SP1: variants seen among roughly 807,000 people sequenced by gnomAD.
SP1 encodes Sp1 transcription factor.
A neutral mutation model predicts 66.3 loss-of-function variants in SP1; 6 were observed. That is an observed-to-expected ratio of 0.09 (90% CI 0.05 to 0.18). The LOEUF (loss-of-function observed/expected upper bound fraction) is 0.18, where lower values mean the gene tolerates loss of function less well. Among genes scored for constraint, SP1 ranks in the 10% least tolerant of loss-of-function variants. The pLI is 1.00. For missense variants in SP1, 848 were observed against 964.5 expected, an observed-to-expected ratio of 0.88 and a Z score of 1.60; for synonymous variants, 417 against 360.8, an observed-to-expected ratio of 1.16 and a Z score of -1.77.
rs984996799 is a variant in SP1, at chr12:53,413,513, C to G, written c.*2273C>G. On this transcript the variant is annotated 3_prime_UTR_variant, in exon 6 of 6. Transcript: ENST00000327443. ...AGTTCACTCCATTTGGTCCTTTCTC[C>G]ACAGATGTAATTATGTTTTCAACTC... The G allele has an allele frequency of 6.6e-6, 1 of 152,558 alleles. No individual in the cohort carries two copies. Among genetic ancestry groups the G allele is most frequent in the Non-Finnish European group, 1.5e-5 (1 of 68,046 alleles). The allele number at this position is 152,558 out of a possible 1,614,324, so 9.5% of individuals were successfully genotyped here.
rs144163103 is a variant in SP1, at chr12:53,382,889, A to T, written c.942A>T (p.Gln314His). 650 of 1,614,088 alleles carry T rather than the reference A, an allele frequency of 4.0e-4. No individual in the cohort carries two copies. The highest frequency in any genetic ancestry group is 4.6e-4 in the Non-Finnish European group (545 of 1,180,040). The change falls in exon 3 of 6, where the codon CAA becomes CAT. Residue 314 changes from glutamine to histidine, a missense_variant. By Grantham distance (24) the Gln-to-His change is conservative. Around this residue, in one of 7 missense-constraint regions of SP1, gnomAD observed 606 missense variants for 589.9 expected, o/e 1.03. Coordinates refer to ENST00000327443, the MANE Select transcript of SP1 (RefSeq NM_138473.3). The stretch of plus-strand genomic sequence containing the variant: ...GTTCTGCCAGCTTGGTATCATCACA[A>T]GCCAGTTCCAGCTCCTTTTTCACCA... ...TISSASLVSSQASSSSFFTNA... is the reference protein window; with the variant it reads ...TISSASLVSSHASSSSFFTNA...
intron 3 of SP1, among the ~76,000 whole-genome samples, chr12:53,391,836 T>G (rs1565811196): frequency 6.6e-6 from 1 of 151,650 alleles, no homozygotes; most frequent in Non-Finnish European, 1.5e-5. Context: ...CACTTACAAG[T>G]GAGAACATGC....
At position 53,413,280 on chromosome 12, in the gene SP1, T is replaced by A. The variant is rs757383536; in HGVS notation, c.*2040T>A. On this transcript the variant is annotated 3_prime_UTR_variant, in exon 6 of 6. Transcript: ENST00000327443. ...TGGAGGATATTCTACTGTACTTTTTTAAAAAGAAACTATTTTTGTGTTTGA... is the reference window on the plus strand; with the variant it reads ...TGGAGGATATTCTACTGTACTTTTTAAAAAAGAAACTATTTTTGTGTTTGA... 13 of 152,292 alleles carry A rather than the reference T, an allele frequency of 8.5e-5. No individual in the cohort carries two copies. The highest frequency in any genetic ancestry group is 1.6e-4 in the Non-Finnish European group (11 of 68,038). The allele number at this position is 152,292 out of a possible 1,614,324, so 9.4% of individuals were successfully genotyped here.
At chr12:53,410,178 A>G (rs1486103503) in intron 5 of SP1, among the ~76,000 whole-genome samples, 3 of 147,106 alleles carry the variant, frequency 2.0e-5, no homozygotes, top group Non-Finnish European at 4.5e-5. Context: ...GCTGGTGCAC[A>G]CCTGTAATCC....
Position 53,399,944 on chromosome 12 carries a change from TAGTAGAG to T in SP1, c.1676-6639_1676-6633del, listed in dbSNP as rs1938572625. 2.0e-5 allele frequency among the ~76,000 whole-genome samples: 3 copies of T among 152,182 alleles called. No homozygotes were observed. In the South Asian group the frequency reaches 6.2e-4, roughly 32 times the overall value. On this transcript the variant is annotated intron_variant, in intron 3 of 5. Transcript: ENST00000327443. ...CCGCGCCTGGCAATTTTTGTATTTT[TAGTAGAG>T]ACGGGAATTTCATCATGTTGGCCAG...
intron 3 of SP1, among the ~76,000 whole-genome samples, chr12:53,389,263 C>G (rs1014832989): frequency 1.5e-5 from 2 of 134,660 alleles, no homozygotes; most frequent in Non-Finnish European, 3.1e-5. Context: ...TTCTTGTTGC[C>G]CAGGGTGGAG....
chr12:53,409,370 G>A lies in SP1; in HGVS notation c.1853G>A (p.Gly618Glu), dbSNP rs778447101. 1.2e-6 allele frequency: 2 copies of A among 1,613,590 alleles called. No homozygotes were observed. The highest frequency in any genetic ancestry group is 3.3e-5 in the Admixed American group (2 of 59,940). Residue 618 changes from glycine (G) to glutamate (E), a missense_variant, in exon 5 of 6, where the codon GGG becomes GAG. Transcript: ENST00000327443. ...TGTGTCCTCACTTTCAGGGGCTCGG[G>A]GGATCCTGGCAAAAAGAAACAGCAT... ...YCKDSEGRGSGDPGKKKQHIC... is the reference protein window; with the variant it reads ...YCKDSEGRGSEDPGKKKQHIC...
In SP1 at chr12:53,406,706, C is replaced by G; in HGVS notation, c.1797C>G (p.Thr599=). Residue 599 remains threonine (T), a synonymous_variant, in exon 4 of 6, where the codon ACC becomes ACG. Coordinates refer to ENST00000327443, the MANE Select transcript of SP1 (RefSeq NM_138473.3). ...PDAQPQAGRR[T]RREACTCPYC... ...CCCAACCCCAAGCCGGTCGGAGGAC[C>G]CGGCGGGAAGCATGCACCTGCCCCT... The G allele has an allele frequency of 1.2e-6, 2 of 1,614,060 alleles. No individual in the cohort carries two copies. The highest frequency in any genetic ancestry group is 1.7e-6 in the Non-Finnish European group (2 of 1,180,020).
intron 5 of SP1, among the ~76,000 whole-genome samples, chr12:53,409,866 C>T (rs879660159): frequency 2.6e-5 from 4 of 151,888 alleles, no homozygotes; most frequent in Non-Finnish European, 4.4e-5. Context: ...AAAAATTAGC[C>T]GGGCATGGTG....
At chr12:53,402,168 A>G (rs79256977) in intron 3 of SP1, among the ~76,000 whole-genome samples, 8,923 of 150,958 alleles carry the variant, frequency 0.059, 352 homozygotes, top group Middle Eastern at 0.14. Context: ...TACCAATATC[A>G]TGAAAATCTC....
chr12:53,407,476 C>T (rs1211988263), intron 4 of SP1, among the ~76,000 whole-genome samples: 1 of 151,408 alleles, frequency 6.6e-6, no homozygotes, highest in Non-Finnish European at 1.5e-5. Flanking sequence ...AGGCGTGTGC[C>T]ACCACGCCCG....
At position 53,382,575 on chromosome 12, in the gene SP1, G is replaced by A. The variant is rs906219495; in HGVS notation, c.628G>A (p.Ala210Thr). 5.6e-6 allele frequency: 9 copies of A among 1,614,044 alleles called. No homozygotes were observed. The African/African-American group carries it at 9.3e-5, about 17-fold the overall frequency. Reference sequence around the variant, plus strand: ...TGGTCAAATACAGATCATACCAGGTGCAAACCAACAGATTATCACAAATCG... The same window carrying A: ...TGGTCAAATACAGATCATACCAGGTACAAACCAACAGATTATCACAAATCG... ...GSGQIQIIPG[A>T]NQQIITNRGS... is the part of the protein sequence containing the mutation. The change falls in exon 3 of 6, where the codon GCA becomes ACA. Residue 210 changes from alanine (A) to threonine (T), a missense_variant. Transcript: ENST00000327443.
In SP1 at chr12:53,400,755, ATTTTTTTT is replaced by A. The variant is rs10547195; in HGVS notation, c.1676-5813_1676-5806del. Reference sequence around the variant, plus strand: ...AGGTGTGTACCACCACACTGGGCTAATTTTTTTTTTTTTTTTTTTTTTTTGAGACAGAG... The same window carrying A: ...AGGTGTGTACCACCACACTGGGCTAATTTTTTTTTTTTTTTTGAGACAGAG... On this transcript the variant is annotated intron_variant, in intron 3 of 5. Coordinates refer to ENST00000327443, the MANE Select transcript of SP1 (RefSeq NM_138473.3). 2.9e-5 allele frequency among the ~76,000 whole-genome samples: 2 copies of A among 70,058 alleles called. 1 individual carries two copies. 46.0% of individuals were successfully genotyped at this position (70,058 alleles called of 152,430 possible).
Position 53,382,098 on chromosome 12 carries a change from A to G in SP1, c.163-12A>G. The G allele has an allele frequency of 6.2e-7, 1 of 1,612,146 alleles. No individual in the cohort carries two copies. Among genetic ancestry groups the G allele is most frequent in the Non-Finnish European group, 8.5e-7 (1 of 1,179,066 alleles). On this transcript the variant is annotated splice_polypyrimidine_tract_variant and intron_variant, in intron 2 of 5. Transcript: ENST00000327443. ...GTCACTAACTCCTTTCCTCTCCCTT[A>G]TTTTCGGCCAGGAGTCCCAGCCATC...
intron 4 of SP1, among the ~76,000 whole-genome samples, chr12:53,407,127 G>A (rs1938759584): frequency 6.7e-6 from 1 of 149,478 alleles, no homozygotes; most frequent in South Asian, 2.1e-4. Context: ...CCCGGCAAAG[G>A]TTAATTTTTT....
intron 3 of SP1, among the ~76,000 whole-genome samples, chr12:53,384,398 C>T (rs1228719128): frequency 6.6e-6 from 1 of 151,786 alleles, no homozygotes; most frequent in Non-Finnish European, 1.5e-5. Context: ...GATTCTCTTG[C>T]CTGGGCTTCT....
At chr12:53,398,931 C>G (rs907487522) in intron 3 of SP1, among the ~76,000 whole-genome samples, 1 of 152,138 alleles carries the variant, frequency 6.6e-6, no homozygotes, top group African/African-American at 2.4e-5. Context: ...TTCCAGCCAT[C>G]TTTTTGTACA....
At chr12:53,409,627 A>G in intron 5 of SP1, 66 bp downstream of exon 5, 14 of 1,264,120 alleles carry the variant, frequency 1.1e-5, no homozygotes, top group Admixed American at 9.6e-5. Flanking sequence ...AAATATACCT[A>G]CAAAATAACT....
At chr12:53,383,696 G>C in intron 3 of SP1, 74 bp downstream of exon 3, 1 of 1,207,454 alleles carries the variant, frequency 8.3e-7, no homozygotes, top group Non-Finnish European at 1.2e-6. Flanking sequence ...TCTAAAGAAA[G>C]GAATAGAGCC....
Sources: allele counts gnomAD v4.1 joint callset (sites outside exome capture counted in the v4.1 genomes callset), GRCh38; gene constraint gnomAD v4.1.1; regional missense constraint gnomAD v4.1.1; transcripts MANE v1.5; gene names NCBI Gene and HGNC (gene_info 2026-07-23, HGNC 2026-07-21).